SGCD: variants seen among roughly 807,000 people sequenced by gnomAD.
SGCD encodes the protein delta-sarcoglycan.
A neutral mutation model predicts 36.6 loss-of-function variants in SGCD; 18 were observed. The observed-to-expected ratio is 0.49, with a 90% CI of 0.34 to 0.73. SGCD has a LOEUF of 0.73. SGCD is among the 30% of genes least tolerant of loss of function. The pLI, the probability that SGCD is intolerant of heterozygous loss-of-function variation, is 0.01. For missense variants in SGCD, 387 were observed against 346.7 expected (o/e 1.12, Z -0.92); for synonymous variants, 133 against 130.6 (o/e 1.02, Z -0.12).
the SGCD span, among the ~76,000 whole-genome samples, chr5:155,731,287 A>T: frequency 6.6e-6 from 1 of 151,836 alleles, no homozygotes; most frequent in Non-Finnish European, 1.5e-5. Context: ...TGGAAGGGAA[A>T]ATAAATCTGA....
chr5:156,503,671 A>G (rs1756554467), intron 3 of SGCD, among the ~76,000 whole-genome samples: 1 of 152,184 alleles, frequency 6.6e-6, no homozygotes, highest in Admixed American at 6.5e-5. Context: ...TATAATTTTG[A>G]GCAAGTAACT....
intron 3 of SGCD, among the ~76,000 whole-genome samples, chr5:156,413,516 G>A (rs572704903): frequency 1.4e-4 from 21 of 152,256 alleles, no homozygotes; most frequent in Middle Eastern, 3.4e-3. Flanking sequence ...GCACTCTGTC[G>A]CCCAGGCTGG....
chr5:156,267,826 C>A (rs747923616), intron 3 of SGCD, among the ~76,000 whole-genome samples: 6 of 152,124 alleles, frequency 3.9e-5, no homozygotes, highest in Non-Finnish European at 7.3e-5. Flanking sequence ...ATAATTCAAT[C>A]TTTTAGGCTG....
At chr5:155,746,560 T>A in the SGCD span, among the ~76,000 whole-genome samples, 1 of 152,188 alleles carries the variant, frequency 6.6e-6, no homozygotes. Flanking sequence ...TGGGTTTTTA[T>A]GATGTCAGAC....
At chr5:156,217,320 C>T (rs1053292662) in intron 3 of SGCD, among the ~76,000 whole-genome samples, 13 of 151,980 alleles carry the variant, frequency 8.6e-5, no homozygotes, top group Admixed American at 3.9e-4. Flanking sequence ...TGTAGTGAAA[C>T]GTATTTTTGT....
At chr5:156,178,911 A>G (rs776964323) in intron 3 of SGCD, among the ~76,000 whole-genome samples, 1 of 152,214 alleles carries the variant, frequency 6.6e-6, no homozygotes, top group Non-Finnish European at 1.5e-5. Flanking sequence ...AGATTTTAGC[A>G]GTGCCTACAA....
chr5:156,228,023 A>G (rs1275241895), intron 3 of SGCD, among the ~76,000 whole-genome samples: 2 of 151,786 alleles, frequency 1.3e-5, no homozygotes, highest in African/African-American at 2.4e-5. Context: ...TATAATTTCA[A>G]TTTTCTTAAA....
At chr5:156,612,464 A>G (rs1761860068) in intron 6 of SGCD, among the ~76,000 whole-genome samples, 2 of 152,330 alleles carry the variant, frequency 1.3e-5, no homozygotes, top group East Asian at 1.9e-4. Flanking sequence ...TTTGGCTACT[A>G]TGGGCTGGTT....
upstream of SGCD, among the ~76,000 whole-genome samples, chr5:155,867,722 G>C (rs1002393200): frequency 6.6e-6 from 1 of 152,194 alleles, no homozygotes; most frequent in South Asian, 2.1e-4. Context: ...CAGAGCCATA[G>C]TAATAAGAAT....
intron 7 of SGCD, among the ~76,000 whole-genome samples, chr5:156,754,905 G>A (rs1322489534): frequency 6.6e-6 from 1 of 152,208 alleles, no homozygotes; most frequent in Non-Finnish European, 1.5e-5. Context: ...TAAGGAAATT[G>A]TAGAACATAT....
chr5:155,786,613 G>T, the SGCD span, among the ~76,000 whole-genome samples: 1 of 152,036 alleles, frequency 6.6e-6, no homozygotes, highest in Non-Finnish European at 1.5e-5. Context: ...AAATATGGTG[G>T]CAATACAAAA....
At chr5:155,963,629 C>T (rs1396106790) in intron 1 of SGCD, among the ~76,000 whole-genome samples, 1 of 151,962 alleles carries the variant, frequency 6.6e-6, no homozygotes, top group Non-Finnish European at 1.5e-5. Flanking sequence ...TTTTATCTCC[C>T]CATTATAGAG....
At chr5:156,081,182 G>C (rs568933495) in intron 1 of SGCD, among the ~76,000 whole-genome samples, 1 of 152,142 alleles carries the variant, frequency 6.6e-6, no homozygotes, top group Non-Finnish European at 1.5e-5. Context: ...CAGTAAGAGA[G>C]AGAGAGTAGT....
chr5:156,459,987 G>A (rs945567061), intron 3 of SGCD, among the ~76,000 whole-genome samples: 4 of 152,158 alleles, frequency 2.6e-5, no homozygotes, highest in African/African-American at 4.8e-5. Flanking sequence ...ATATGGCACC[G>A]CTATAATGAA....
intron 3 of SGCD, among the ~76,000 whole-genome samples, chr5:156,135,351 G>C (rs1762430761): frequency 6.6e-6 from 1 of 151,876 alleles, no homozygotes; most frequent in Non-Finnish European, 1.5e-5. Context: ...ACATCATTGT[G>C]CTCTTCTGCC....
chr5:156,645,938 A>G (rs1188608494), intron 6 of SGCD, among the ~76,000 whole-genome samples: 1 of 152,160 alleles, frequency 6.6e-6, no homozygotes, highest in Non-Finnish European at 1.5e-5. Flanking sequence ...TGTGCCAGAG[A>G]TCTCATTCAG....
chr5:156,521,123 C>T lies in SGCD; in HGVS notation c.294+12421C>T, dbSNP rs114154424. Among the ~76,000 whole-genome samples, 236 of 150,266 alleles carry T rather than the reference C, an allele frequency of 1.6e-3. 1 individual carries two copies. Among genetic ancestry groups the T allele is most frequent in the Middle Eastern group, 3.4e-3 (1 of 290 alleles). ...GGAAAGTATTCCCTATTTAATAAAACGGGAGCTGACAGAACTGGCTAGCCA... is the reference window on the plus strand; with the variant it reads ...GGAAAGTATTCCCTATTTAATAAAATGGGAGCTGACAGAACTGGCTAGCCA... On this transcript the variant is annotated intron_variant, in intron 4 of 8. Coordinates refer to ENST00000337851, the MANE Select transcript of SGCD (RefSeq NM_000337.6).
chr5:155,985,123 A>G (rs1254695985), intron 1 of SGCD, among the ~76,000 whole-genome samples: 1 of 152,190 alleles, frequency 6.6e-6, no homozygotes, highest in African/African-American at 2.4e-5. Context: ...ATTACCGTAC[A>G]TTTCACAGCT....
intron 3 of SGCD, among the ~76,000 whole-genome samples, chr5:156,160,628 C>T (rs1763064195): frequency 6.6e-6 from 1 of 151,696 alleles, no homozygotes; most frequent in South Asian, 2.1e-4. Flanking sequence ...AGAAATTGCA[C>T]ATATATTCTT....
Sources: allele counts gnomAD v4.1 joint callset (sites outside exome capture counted in the v4.1 genomes callset), GRCh38; gene constraint gnomAD v4.1.1; transcripts MANE v1.5; gene names NCBI Gene and HGNC (gene_info 2026-07-23, HGNC 2026-07-21).